NMU: variants seen among roughly 807,000 people sequenced by gnomAD.
NMU encodes the protein neuromedin-U.
In NMU, 29 loss-of-function variants were observed where a neutral mutation model predicts 35.4. The observed-to-expected ratio is 0.82, with a 90% confidence interval of 0.61 to 1.12. NMU has a LOEUF of 1.12. Among genes scored for constraint, NMU ranks in the 50% most tolerant of loss-of-function variants. The probability of loss-of-function intolerance (pLI) is 0.00; values close to 1 mark genes in which losing one functional copy is unlikely to be tolerated. For missense variants in NMU, 199 were observed against 206.2 expected (o/e 0.97, Z 0.21); for synonymous variants, 78 against 81.3 (o/e 0.96, Z 0.22).
chr4:55,609,366 A>G (rs1733838244), intron 3 of NMU, among the ~76,000 whole-genome samples, 187 bp from the exon 4 acceptor site: 1 of 148,306 alleles, frequency 6.7e-6, no homozygotes. Context: ...TGTAAAAGTA[A>G]AGCCTTCCTT....
chr4:55,630,269 A>T, intron 2 of NMU, 133 bp downstream of exon 2: 1 of 759,982 alleles, frequency 1.3e-6, no homozygotes, highest in South Asian at 1.7e-5. Context: ...TTTAATAAAA[A>T]TAGTAATTCT....
chr4:55,616,414 C>T (rs1299133972), intron 2 of NMU, 29 bp from the exon 3 acceptor site: 1 of 1,548,980 alleles, frequency 6.5e-7, no homozygotes, highest in Non-Finnish European at 8.9e-7. Context: ...TCAGTTACAT[C>T]CTGGGAATGG....
chr4:55,608,978 G>A (rs1733818080), intron 4 of NMU, 142 bp downstream of exon 4: 7 of 690,484 alleles, frequency 1.0e-5, no homozygotes, highest in South Asian at 6.6e-5. Flanking sequence ...AGAACCTGAA[G>A]TATTTCTTAT....
intron 9 of NMU, among the ~76,000 whole-genome samples, chr4:55,598,573 A>T (rs547257316): frequency 1.3e-5 from 2 of 152,310 alleles, no homozygotes; most frequent in East Asian, 3.9e-4. Context: ...CAGCTACTAA[A>T]TTTCTACTCT....
intron 2 of NMU, among the ~76,000 whole-genome samples, chr4:55,624,564 T>C (rs1377533324): frequency 9.2e-3 from 7 of 760 alleles, no homozygotes; most frequent in Middle Eastern, 0.083. Flanking sequence ...TTTTACACTG[T>C]TGGTGGGACT....
chr4:55,636,447 A>C (rs7688987), upstream of NMU: 1 of 458,852 alleles, frequency 2.2e-6, no homozygotes, highest in Non-Finnish European at 3.7e-6. The surrounding 1 kb of genome is among the most constrained non-coding windows in gnomAD (Gnocchi z 4.0). Context: ...ACCCTGCAGC[A>C]GGACCCGAGC....
At chr4:55,612,949 T>C (rs1179081672) in intron 3 of NMU, among the ~76,000 whole-genome samples, 7 of 150,800 alleles carry the variant, frequency 4.6e-5, no homozygotes, top group Non-Finnish European at 8.9e-5. Context: ...GTGGTACATA[T>C]ACACCACCGA....
At chr4:55,602,071 C>T (rs1178402392) in intron 7 of NMU, among the ~76,000 whole-genome samples, 1 of 152,066 alleles carries the variant, frequency 6.6e-6, no homozygotes, top group East Asian at 1.9e-4. Context: ...AAAGGCCAGA[C>T]AAAATGTAAA....
chr4:55,636,174 A>G lies in NMU; in HGVS notation c.19T>C (p.Cys7Arg). The G allele has an allele frequency of 6.6e-7, 1 of 1,508,028 alleles. No individual in the cohort carries two copies. The highest frequency in any genetic ancestry group is 8.8e-7 in the Non-Finnish European group (1 of 1,135,830). 93.4% of individuals were successfully genotyped at this position (1,508,028 alleles called of 1,614,324 possible). A position where few individuals can be genotyped will look rare whatever the true frequency, so the allele number is the denominator to read the frequency against. ...TGTCCGGCGGGCGACCTGGGGCGGCAGCTCTCTGTTCGCAGCATCTCGGCG... is the reference window on the plus strand; with the variant it reads ...TGTCCGGCGGGCGACCTGGGGCGGCGGCTCTCTGTTCGCAGCATCTCGGCG... MLRTES[C>R]RPRSPAGQVA... The change falls in exon 1 of 10, where the codon TGC becomes CGC. Residue 7 changes from cysteine to arginine, a missense_variant. Physicochemically the swap from Cys to Arg is radical, Grantham distance 180 (BLOSUM62 -3). Transcript: ENST00000264218. This position sits in a 1 kb window ranked among gnomAD's most constrained non-coding sequence, Gnocchi z 4.0.
intron 6 of NMU, among the ~76,000 whole-genome samples, chr4:55,606,958 A>G (rs369641874): frequency 6.6e-6 from 1 of 152,132 alleles, no homozygotes. Flanking sequence ...GATTACAGGC[A>G]TGAGCCACCA....
chr4:55,604,499 A>T (rs1733593147), intron 7 of NMU, among the ~76,000 whole-genome samples: 2 of 150,020 alleles, frequency 1.3e-5, no homozygotes, highest in Non-Finnish European at 3.0e-5. Flanking sequence ...ATATATATTT[A>T]GTTTCCGATA....
At chr4:55,607,948 A>T (rs1042233790) in intron 4 of NMU, among the ~76,000 whole-genome samples, 2 of 152,186 alleles carry the variant, frequency 1.3e-5, no homozygotes, top group Non-Finnish European at 2.9e-5. Context: ...AGGTGGGCGG[A>T]TCACAAGGTC....
chr4:55,606,501 A>T (rs566642329), intron 6 of NMU, among the ~76,000 whole-genome samples: 1 of 152,218 alleles, frequency 6.6e-6, no homozygotes, highest in Non-Finnish European at 1.5e-5. Context: ...GATATTTCTA[A>T]TTATATTTAA....
chr4:55,611,701 A>G (rs1452551979), intron 3 of NMU, among the ~76,000 whole-genome samples: 1 of 152,176 alleles, frequency 6.6e-6, no homozygotes, highest in Non-Finnish European at 1.5e-5. Context: ...ACTGCCCACA[A>G]TATTCAGTAC....
chr4:55,617,628 GA>G (rs144383831), intron 2 of NMU, among the ~76,000 whole-genome samples: 5,606 of 152,136 alleles, frequency 0.037, 343 homozygotes, highest in African/African-American at 0.13. Context: ...TTGTGGGGGG[GA>G]AAAAAGTGAA....
At chr4:55,603,836 C>A (rs111983326) in intron 7 of NMU, among the ~76,000 whole-genome samples, 7,571 of 144,074 alleles carry the variant, frequency 0.053, 238 homozygotes, top group Non-Finnish European at 0.076. Context: ...GGTGTGAACC[C>A]GGGGGGCGGA....
intron 2 of NMU, among the ~76,000 whole-genome samples, chr4:55,617,139 T>TA (rs1242311280): frequency 2.6e-5 from 4 of 152,156 alleles, no homozygotes; most frequent in African/African-American, 9.7e-5. Flanking sequence ...TCTGGAATGA[T>TA]AGAGGTTGAG....
intron 1 of NMU, among the ~76,000 whole-genome samples, chr4:55,633,400 CTTTT>C (rs200942251): frequency 6.7e-6 from 1 of 149,554 alleles, no homozygotes; most frequent in African/African-American, 2.5e-5. Flanking sequence ...AGGAGTTATT[CTTTT>C]TTTTTGTCTA....
chr4:55,629,225 G>A lies in NMU; in HGVS notation c.171+1177C>T, dbSNP rs369907165. 4.6e-5 allele frequency among the ~76,000 whole-genome samples: 7 copies of A among 151,986 alleles called. No homozygotes were observed. In the South Asian group the frequency reaches 6.2e-4, roughly 14 times the overall value. ...TTCAGATGCTCCAATTATACACAAC[G>A]AGAATGTGTATACTATTTAGTGCAG... On this transcript the variant is annotated intron_variant, in intron 2 of 9. Transcript: ENST00000264218.
Sources: gnomAD v4.1 joint callset for allele counts (sites outside exome capture counted in the v4.1 genomes callset) on GRCh38, gnomAD v4.1.1 for gene constraint, Gnocchi (gnomAD v3.1) non-coding constraint, MANE v1.5 for transcripts, NCBI Gene and HGNC (gene_info 2026-07-23, HGNC 2026-07-21) for gene names.